HDAC9: variants seen among roughly 807,000 people sequenced by gnomAD.
The protein encoded by HDAC9 is MEF-2 interacting transcription repressor (MITR) protein.
In HDAC9, 41 loss-of-function variants were observed where a neutral mutation model predicts 139.4. The ratio of observed to expected loss-of-function variants is 0.29; its 90% CI spans 0.23 to 0.38. The LOEUF (loss-of-function observed/expected upper bound fraction) is 0.38, where lower values mean the gene tolerates loss of function less well. Ranked by LOEUF, HDAC9 falls within the 10% of genes least tolerant of loss-of-function variation. The pLI is 1.00. For missense variants in HDAC9, 1,147 were observed against 1,297.0 expected (o/e 0.88, Z 1.78); for synonymous variants, 517 against 476.2 (o/e 1.09, Z -1.12).
At chr7:18,301,203 T>C (rs371940127) in intron 1 of HDAC9, among the ~76,000 whole-genome samples, 1 of 152,186 alleles carries the variant, frequency 6.6e-6, no homozygotes, top group Non-Finnish European at 1.5e-5. Flanking sequence ...AATTGCTCAA[T>C]TGAAACTTCT....
At chr7:18,869,164 GT>G (rs1798722928) in intron 21 of HDAC9, among the ~76,000 whole-genome samples, 1 of 151,290 alleles carries the variant, frequency 6.6e-6, no homozygotes, top group Non-Finnish European at 1.5e-5. Flanking sequence ...GTGTGTGTGT[GT>G]GTGTGTGTGT....
intron 2 of HDAC9, among the ~76,000 whole-genome samples, chr7:18,559,572 C>A (rs1170708642): frequency 6.6e-6 from 1 of 152,140 alleles, no homozygotes; most frequent in African/African-American, 2.4e-5. Flanking sequence ...TTCCCCATCT[C>A]TTTTTTCCAT....
chr7:18,541,418 A>G (rs752458499), intron 2 of HDAC9, among the ~76,000 whole-genome samples: 13 of 152,112 alleles, frequency 8.5e-5, no homozygotes, highest in Non-Finnish European at 1.8e-4. Context: ...ATCTGTCCAC[A>G]TGGTACTAGT....
intron 2 of HDAC9, among the ~76,000 whole-genome samples, chr7:18,265,232 C>T (rs1795921321): frequency 6.6e-6 from 1 of 152,120 alleles, no homozygotes; most frequent in Non-Finnish European, 1.5e-5. Context: ...TTGAGTGTTT[C>T]AATTGAATTG....
upstream of HDAC9, among the ~76,000 whole-genome samples, chr7:18,286,711 C>T (rs1797476383): frequency 6.6e-6 from 1 of 151,706 alleles, no homozygotes. Flanking sequence ...TTATTGAATT[C>T]CATCATGACT....
rs1181306948 is a variant in HDAC9, at chr7:18,513,415, A to G, written c.22+17091A>G. 7.9e-5 allele frequency among the ~76,000 whole-genome samples: 12 copies of G among 152,216 alleles called. No individual in the cohort carries two copies. The East Asian group carries it at 2.3e-3, about 29-fold the overall frequency. ...TCAAAGAAGAAAGGTAGATAACTGT[A>G]TCCTAAAGCTTCACCAAGTTAGTCA... On this transcript the variant is annotated intron_variant, in intron 2 of 25. Coordinates refer to ENST00000686413, the MANE Select transcript of HDAC9 (RefSeq NM_178425.4).
chr7:18,219,941 T>TAGG (rs930807806), intron 2 of HDAC9, among the ~76,000 whole-genome samples: 2 of 152,194 alleles, frequency 1.3e-5, no homozygotes, highest in African/African-American at 4.8e-5. Context: ...CTTGTGGCTT[T>TAGG]GGTCCTTTCA....
chr7:18,509,658 C>G (rs117340057), intron 2 of HDAC9, among the ~76,000 whole-genome samples: 1 of 152,280 alleles, frequency 6.6e-6, no homozygotes, highest in Non-Finnish European at 1.5e-5. Context: ...AATTCTCTTA[C>G]AAGCCCAATG....
chr7:18,850,472 TTAG>T (rs1797205697), intron 21 of HDAC9, among the ~76,000 whole-genome samples: 1 of 152,332 alleles, frequency 6.6e-6, no homozygotes, highest in African/African-American at 2.4e-5. Context: ...CTGTGGACCA[TTAG>T]TAGATTTTTT....
intron 1 of HDAC9, among the ~76,000 whole-genome samples, chr7:18,338,538 C>G (rs1781755462): frequency 6.6e-6 from 1 of 151,528 alleles, no homozygotes. Context: ...TTAGTATTTC[C>G]TACTTCTACT....
At chr7:18,167,942 C>T (rs1253796836) in intron 2 of HDAC9, among the ~76,000 whole-genome samples, 3 of 152,124 alleles carry the variant, frequency 2.0e-5, no homozygotes, top group Non-Finnish European at 2.9e-5. Context: ...TTGATTTAAC[C>T]AGTCATTAAA....
In HDAC9 at chr7:18,656,951, A is replaced by G. The variant is rs185255037; in HGVS notation, c.1467+8268A>G. ...CTCCACGTGCTCACCTGCATTCATT[A>G]CGGGTCCATCTTTTGGATAAAAGCA... On this transcript the variant is annotated intron_variant, in intron 11 of 25. Coordinates refer to ENST00000686413, the MANE Select transcript of HDAC9 (RefSeq NM_178425.4). 1.5e-3 allele frequency among the ~76,000 whole-genome samples: 223 copies of G among 150,730 alleles called. 1 individual carries two copies. The highest frequency in any genetic ancestry group is 5.4e-3 in the African/African-American group (218 of 40,130).
At chr7:18,846,955 G>T (rs552369528) in intron 21 of HDAC9, among the ~76,000 whole-genome samples, 1 of 152,290 alleles carries the variant, frequency 6.6e-6, no homozygotes, top group Admixed American at 6.5e-5. Flanking sequence ...AAGTGCGTGT[G>T]GAAGTGAGGC....
chr7:18,186,555 T>C (rs563468404), intron 2 of HDAC9, among the ~76,000 whole-genome samples: 103 of 152,268 alleles, frequency 6.8e-4, no homozygotes, highest in Non-Finnish European at 1.3e-3. Flanking sequence ...AGGGAGAAAA[T>C]AGAAGAGAGC....
intron 2 of HDAC9, among the ~76,000 whole-genome samples, chr7:18,197,649 C>T (rs1026229332): frequency 3.3e-5 from 5 of 152,120 alleles, no homozygotes; most frequent in Non-Finnish European, 5.9e-5. Flanking sequence ...AAAGATGAGC[C>T]AGTGTATAAA....
chr7:18,968,958 C>CAAAAAAAAAAAAAAAAAA (rs34379636), intron 24 of HDAC9, among the ~76,000 whole-genome samples: 1 of 45,192 alleles, frequency 2.2e-5, no homozygotes, highest in African/African-American at 9.4e-5. Flanking sequence ...GCCTCCCTCT[C>CAAAAAAAAAAAAAAAAAA]AAAAAAAAAA....
At chr7:18,268,823 G>C (rs1453972992) in intron 2 of HDAC9, among the ~76,000 whole-genome samples, 2 of 152,164 alleles carry the variant, frequency 1.3e-5, no homozygotes. Flanking sequence ...ATAACCACTT[G>C]AAAGGAACTG....
At chr7:18,189,918 GTGGTGTGT>G (rs1249201016) in intron 2 of HDAC9, among the ~76,000 whole-genome samples, 1 of 141,998 alleles carries the variant, frequency 7.0e-6, no homozygotes, top group African/African-American at 2.6e-5. Flanking sequence ...TAACTTGTGT[GTGGTGTGT>G]GTGTGTGTGT....
chr7:18,295,991 TA>T (rs1230573480), intron 1 of HDAC9, among the ~76,000 whole-genome samples: 1 of 152,198 alleles, frequency 6.6e-6, no homozygotes, highest in African/African-American at 2.4e-5. Context: ...AGATCTTCAC[TA>T]GAATTTTTCT....
Sources: allele counts gnomAD v4.1 joint callset (sites outside exome capture counted in the v4.1 genomes callset), GRCh38; gene constraint gnomAD v4.1.1; transcripts MANE v1.5; gene names NCBI Gene and HGNC (gene_info 2026-07-23, HGNC 2026-07-21).